Variants in SEC14L5 observed in about 807,000 individuals in gnomAD.
SEC14L5 encodes the protein SEC14-like protein 5.
In SEC14L5, 96 loss-of-function variants were observed where a neutral mutation model predicts 84.6. The ratio of observed to expected loss-of-function variants is 1.13; its 90% confidence interval spans 0.96 to 1.34. SEC14L5 has a LOEUF of 1.34. Among genes scored for constraint, SEC14L5 ranks in the 40% most tolerant of loss-of-function variants. The pLI is 0.00. For synonymous variants in SEC14L5, 546 were observed against 383.4 expected, an observed-to-expected ratio of 1.42 and a Z score of -4.95; for missense variants, 1,224 against 942.5, an observed-to-expected ratio of 1.30 and a Z score of -3.91.
Position 4,987,770 on chromosome 16 carries a change from G to A in SEC14L5, c.213+64G>A, listed in dbSNP as rs2142502867. On this transcript the variant is annotated intron_variant, in intron 3 of 15. Transcript: ENST00000251170. ...TGTTGCGGAGGTGCGGGAGGGCTGG[G>A]CGCGGGAGCTGGGGACCAGGGCGGC... 2.3e-6 allele frequency: 3 copies of A among 1,283,108 alleles called. No homozygotes were observed. In the South Asian group the frequency reaches 4.8e-5, roughly 20 times the overall value. The allele number at this position is 1,283,108 out of a possible 1,614,324, so 79.5% of individuals were successfully genotyped here.
At chr16:4,999,125 T>C (rs1355274382) in intron 8 of SEC14L5, among the ~76,000 whole-genome samples, 1 of 152,238 alleles carries the variant, frequency 6.6e-6, no homozygotes, top group Non-Finnish European at 1.5e-5. Context: ...GTGACTTTGC[T>C]GTTTAAAATG....
At chr16:5,006,757 CG>C (rs1233336700) in intron 12 of SEC14L5, among the ~76,000 whole-genome samples, 2 of 152,214 alleles carry the variant, frequency 1.3e-5, no homozygotes, top group East Asian at 1.9e-4. Flanking sequence ...TTTTAGCAAA[CG>C]GTTCTGCAGA....
chr16:5,007,600 TTCTTTC>T (rs1955746217), intron 13 of SEC14L5, 114 bp downstream of exon 13: 1 of 907,044 alleles, frequency 1.1e-6, no homozygotes, highest in Non-Finnish European at 1.6e-6. Context: ...CTTTCTTTCT[TTCTTTC>T]TTTTTTTTTT....
chr16:4,990,827 T>A lies in SEC14L5; in HGVS notation c.406T>A (p.Ser136Thr), dbSNP rs188060540. 355 of 1,612,204 alleles carry A rather than the reference T, an allele frequency of 2.2e-4. 3 individuals are homozygous for A. The East Asian group carries it at 7.7e-3, about 35-fold the overall frequency. Residue 136 changes from serine to threonine, a missense_variant, in exon 5 of 16, where the codon TCT becomes ACT. Transcript: ENST00000251170. ...GCAGTCTGCCTCACTGGACATTCGGTCTTTCTTTGGCTTTGAAAATGCCTT... is the reference window on the plus strand; with the variant it reads ...GCAGTCTGCCTCACTGGACATTCGGACTTTCTTTGGCTTTGAAAATGCCTT... ...FEQSASLDIR[S>T]FFGFENALEK... is the part of the protein sequence containing the mutation.
chr16:4,967,874 T>C (rs1355064889), intron 2 of SEC14L5, among the ~76,000 whole-genome samples: 1 of 151,462 alleles, frequency 6.6e-6, no homozygotes, highest in African/African-American at 2.4e-5. Flanking sequence ...CCCAAAGTGC[T>C]GTGATTACAG....
chr16:5,011,218 G>C lies in SEC14L5; in HGVS notation c.1924G>C (p.Gly642Arg), dbSNP rs769691729. 1.9e-6 allele frequency: 3 copies of C among 1,613,808 alleles called. No homozygotes were observed. Among genetic ancestry groups the C allele is most frequent in the Non-Finnish European group, 2.5e-6 (3 of 1,179,864 alleles). Reference protein sequence around the residue: ...DDVLTALHSPGPKCKLLYYCE... With the variant: ...DDVLTALHSPRPKCKLLYYCE... ...TGTCCTGACGGCTCTGCACAGCCCC[G>C]GGCCCAAGTGCAAACTTCTCTACTA... The change falls in exon 15 of 16, where the codon GGG (glycine) becomes CGG (arginine). Residue 642 changes from glycine to arginine, a missense_variant. Gly to Arg is a moderately radical substitution (Grantham distance 125, BLOSUM62 -2). Coordinates refer to ENST00000251170, the MANE Select transcript of SEC14L5 (RefSeq NM_014692.2).
intron 4 of SEC14L5, among the ~76,000 whole-genome samples, chr16:4,989,576 G>C (rs983448268): frequency 6.6e-6 from 1 of 151,984 alleles, no homozygotes; most frequent in Admixed American, 6.6e-5. Context: ...CAAACTCCTG[G>C]CTTCAAGTGA....
chr16:5,005,601 C>T (rs1328505868), intron 11 of SEC14L5, among the ~76,000 whole-genome samples: 1 of 152,006 alleles, frequency 6.6e-6, no homozygotes, highest in East Asian at 1.9e-4. Context: ...GTGGCTCACA[C>T]CTGTAATCCC....
At chr16:5,011,461 G>C (rs537497682) in intron 15 of SEC14L5, among the ~76,000 whole-genome samples, 188 bp downstream of exon 15, 1 of 152,214 alleles carries the variant, frequency 6.6e-6, no homozygotes, top group Non-Finnish European at 1.5e-5. Flanking sequence ...AGCTCTGCGC[G>C]TCTAACTCTG....
intron 2 of SEC14L5, among the ~76,000 whole-genome samples, chr16:4,984,413 C>A (rs1371197006): frequency 6.6e-6 from 1 of 152,212 alleles, no homozygotes; most frequent in Non-Finnish European, 1.5e-5. Context: ...TATGGCTAGA[C>A]CACCACTGAT....
At chr16:4,998,737 C>CAAAAAAA (rs60494025) in intron 8 of SEC14L5, among the ~76,000 whole-genome samples, 1 of 94,034 alleles carries the variant, frequency 1.1e-5, no homozygotes, top group African/African-American at 4.8e-5. Flanking sequence ...GACTCCGTCT[C>CAAAAAAA]AAAAAAAAAA....
chr16:4,972,300 G>T (rs1955289139), intron 2 of SEC14L5, among the ~76,000 whole-genome samples: 1 of 152,134 alleles, frequency 6.6e-6, no homozygotes, highest in Non-Finnish European at 1.5e-5. Flanking sequence ...ACTGCACCTG[G>T]CTTCACTCTA....
chr16:4,973,344 C>T (rs1596617427), intron 2 of SEC14L5, among the ~76,000 whole-genome samples: 2 of 152,236 alleles, frequency 1.3e-5, no homozygotes, highest in Non-Finnish European at 1.5e-5. Flanking sequence ...GGCTTTTCAG[C>T]TCCAGGGCCA....
intron 2 of SEC14L5, among the ~76,000 whole-genome samples, chr16:4,976,730 C>T (rs1334447250): frequency 6.6e-6 from 1 of 152,334 alleles, no homozygotes; most frequent in African/African-American, 2.4e-5. Flanking sequence ...GGGCTTTGGA[C>T]CATCTCCTTT....
intron 2 of SEC14L5, among the ~76,000 whole-genome samples, chr16:4,972,599 T>C (rs1247664824): frequency 6.6e-6 from 1 of 152,234 alleles, no homozygotes. Flanking sequence ...TGTCCTTTTG[T>C]CTCTGGCTCG....
intron 8 of SEC14L5, among the ~76,000 whole-genome samples, chr16:4,998,207 T>C (rs1008764501): frequency 4.6e-5 from 7 of 151,512 alleles, no homozygotes; most frequent in Non-Finnish European, 1.0e-4. Context: ...GGTTTCACCA[T>C]GTTGGCCAGG....
intron 2 of SEC14L5, among the ~76,000 whole-genome samples, chr16:4,979,430 G>A (rs1029032559): frequency 5.3e-5 from 8 of 152,280 alleles, no homozygotes; most frequent in South Asian, 2.1e-4. Flanking sequence ...GAGGGTGAGC[G>A]CTACCTACTT....
chr16:4,960,399 C>T (rs1568096546), intron 2 of SEC14L5, among the ~76,000 whole-genome samples: 1 of 152,140 alleles, frequency 6.6e-6, no homozygotes, highest in Admixed American at 6.5e-5. Context: ...CTGTCCCACC[C>T]CAGCACTGAC....
chr16:4,991,928 G>A lies in SEC14L5; in HGVS notation c.565G>A (p.Glu189Lys). 6.2e-7 allele frequency: 1 copy of A among 1,605,274 alleles called. No individual in the cohort carries two copies. The highest frequency in any genetic ancestry group is 1.1e-5 in the South Asian group (1 of 90,070). The change falls in exon 6 of 16, where the codon GAG becomes AAG. Residue 189 changes from glutamate to lysine, a missense_variant. Coordinates refer to ENST00000251170, the MANE Select transcript of SEC14L5 (RefSeq NM_014692.2). Reference protein sequence around the residue: ...PRWTPAPVREEDARNQAGPRD... With the variant: ...PRWTPAPVREKDARNQAGPRD... The stretch of plus-strand genomic sequence containing the variant: ...CTGGACGCCTGCCCCAGTCCGTGAG[G>A]AGGATGCCCGCAACCAGGCTGGACC...
Sources: gnomAD v4.1 joint callset for allele counts (sites outside exome capture counted in the v4.1 genomes callset) on GRCh38, gnomAD v4.1.1 for gene constraint, MANE v1.5 for transcripts, NCBI Gene and HGNC (gene_info 2026-07-23, HGNC 2026-07-21) for gene names.